C9orf153: variants seen among roughly 807,000 people sequenced by gnomAD.
The protein encoded by C9orf153 is chromosome 9 open reading frame 153, also known as uncharacterized protein C9orf153.
Under a neutral mutation model 9.0 loss-of-function variants are expected in C9orf153, and 10 were observed. That is an observed-to-expected ratio of 1.11 (90% CI 0.69 to 1.89). The LOEUF is 1.89. Ranked by LOEUF, C9orf153 falls within the 40% of genes most tolerant of loss-of-function variation. C9orf153 has a pLI of 0.00. For missense variants in C9orf153, 108 were observed against 111.0 expected (o/e 0.97, Z 0.12); for synonymous variants, 35 against 37.3 (o/e 0.94, Z 0.23).
chr9:86,231,882 T>A (rs923367249), intron 1 of C9orf153, among the ~76,000 whole-genome samples: 1 of 152,202 alleles, frequency 6.6e-6, no homozygotes, highest in Non-Finnish European at 1.5e-5. Context: ...TTCCAGTCAA[T>A]CATTGCTATT....
chr9:86,229,526 T>A lies in C9orf153; in HGVS notation c.66+12A>T, dbSNP rs770150263. The stretch of plus-strand genomic sequence containing the variant: ...CCTGTGTACACCTCGTTGTACAATG[T>A]TAAGTACATACTGAACATTGAGGAA... On this transcript the variant is annotated intron_variant, in intron 2 of 3. Coordinates refer to ENST00000339137, the MANE Select transcript of C9orf153 (RefSeq NM_001276366.4). 2.5e-6 allele frequency: 4 copies of A among 1,585,106 alleles called. No homozygotes were observed. The Admixed American group carries it at 6.7e-5, about 26-fold the overall frequency.
At chr9:86,242,039 G>A (rs2131194051) in intron 1 of C9orf153, among the ~76,000 whole-genome samples, 1 of 152,318 alleles carries the variant, frequency 6.6e-6, no homozygotes, top group South Asian at 2.1e-4. Flanking sequence ...AGAGAGATCA[G>A]GGTAAAAGGG....
At chr9:86,240,714 T>C (rs897520910) in intron 1 of C9orf153, among the ~76,000 whole-genome samples, 33 of 142,264 alleles carry the variant, frequency 2.3e-4, no homozygotes, top group Non-Finnish European at 4.6e-4. Context: ...TTTCTTTTTT[T>C]TTTTTTTTTT....
intron 1 of C9orf153, among the ~76,000 whole-genome samples, chr9:86,246,176 C>T (rs540046601): frequency 6.6e-6 from 1 of 152,276 alleles, no homozygotes; most frequent in East Asian, 1.9e-4. Flanking sequence ...AGCAGTTGAT[C>T]GTCTCAGCTG....
chr9:86,244,693 G>A (rs1017977475), intron 1 of C9orf153, among the ~76,000 whole-genome samples: 1 of 152,140 alleles, frequency 6.6e-6, no homozygotes, highest in African/African-American at 2.4e-5. Context: ...AAACCCAGAC[G>A]AAGAATATCG....
chr9:86,221,555 G>T lies in C9orf153; in HGVS notation c.*133C>A. The T allele has an allele frequency of 7.4e-7, 1 of 1,350,142 alleles. No individual in the cohort carries two copies. The highest frequency in any genetic ancestry group is 2.1e-5 in the South Asian group (1 of 47,400). 83.6% of individuals were successfully genotyped at this position (1,350,142 alleles called of 1,614,324 possible). ...TTTGATAATCAATTTGAGGATAAAT[G>T]ACCAAAGACTTGCGAACTATAGGGG... On this transcript the variant is annotated 3_prime_UTR_variant, in exon 4 of 4. Transcript: ENST00000339137.
At position 86,228,168 on chromosome 9, in the gene C9orf153, T is replaced by G. The variant is rs913582743; in HGVS notation, c.67-138A>C. 6.1e-6 allele frequency: 4 copies of G among 658,856 alleles called. No individual in the cohort carries two copies. In the Admixed American group the frequency reaches 1.3e-4, roughly 21 times the overall value. The allele number at this position is 658,856 out of a possible 1,614,324, so 40.8% of individuals were successfully genotyped here. Reference sequence around the variant, plus strand: ...AGCATTTTTATCTTTGGAAGATATCTTTGCCTAACTAAAGCAAGTCAATTG... The same window carrying G: ...AGCATTTTTATCTTTGGAAGATATCGTTGCCTAACTAAAGCAAGTCAATTG... On this transcript the variant is annotated intron_variant, in intron 2 of 3. Transcript: ENST00000339137.
intron 3 of C9orf153, 30 bp downstream of exon 3, chr9:86,227,825 G>T: frequency 1.9e-6 from 3 of 1,588,610 alleles, no homozygotes; most frequent in Non-Finnish European, 2.6e-6. Context: ...AATCATGGAT[G>T]CTTGCTTCTC....
intron 1 of C9orf153, among the ~76,000 whole-genome samples, chr9:86,255,830 G>C (rs911028943): frequency 6.6e-5 from 10 of 152,178 alleles, no homozygotes; most frequent in African/African-American, 2.4e-4. Context: ...GGGCAAAAAG[G>C]ACATTTTTCC....
intron 1 of C9orf153, among the ~76,000 whole-genome samples, chr9:86,250,174 C>G (rs1400199472): frequency 6.6e-6 from 1 of 152,182 alleles, no homozygotes; most frequent in Admixed American, 6.5e-5. Flanking sequence ...AGTGTGTTGA[C>G]AGACTTAATG....
At chr9:86,242,284 C>T (rs10125093) in intron 1 of C9orf153, among the ~76,000 whole-genome samples, 82,976 of 151,756 alleles carry the variant, frequency 0.55, 24,881 homozygotes, top group East Asian at 0.88. Flanking sequence ...GAGAGCCCTG[C>T]CTTCTTAGAG....
Position 86,227,478 on chromosome 9 carries a change from C to T in C9orf153, c.242+377G>A, listed in dbSNP as rs1056772316. On this transcript the variant is annotated intron_variant, in intron 3 of 3. Coordinates refer to ENST00000339137, the MANE Select transcript of C9orf153 (RefSeq NM_001276366.4). The stretch of plus-strand genomic sequence containing the variant: ...GTAGGTCAGTATTGGACCATTTCTG[C>T]TCTAGTAAATTTGCAATGAGATTTC... 5.0e-6 allele frequency: 7 copies of T among 1,396,652 alleles called. No individual in the cohort carries two copies. The Admixed American group carries it at 1.6e-4, about 33-fold the overall frequency. The allele number at this position is 1,396,652 out of a possible 1,614,324, so 86.5% of individuals were successfully genotyped here.
intron 1 of C9orf153, among the ~76,000 whole-genome samples, chr9:86,253,173 A>T (rs1488270591): frequency 2.0e-5 from 3 of 152,230 alleles, no homozygotes; most frequent in Non-Finnish European, 4.4e-5. Context: ...AATGGACATA[A>T]TTGAATACAC....
chr9:86,252,081 C>CTGTG (rs1205333714), intron 1 of C9orf153, among the ~76,000 whole-genome samples: 4 of 152,160 alleles, frequency 2.6e-5, no homozygotes, highest in African/African-American at 9.7e-5. Flanking sequence ...GTTGCCCAGG[C>CTGTG]TGTGGTGCAG....
chr9:86,235,658 C>T (rs1324078281), intron 1 of C9orf153, among the ~76,000 whole-genome samples: 1 of 138,428 alleles, frequency 7.2e-6, no homozygotes. Context: ...AGGAGAATCG[C>T]TTGAACCCAG....
chr9:86,244,926 T>C (rs1432856515), intron 1 of C9orf153, among the ~76,000 whole-genome samples: 1 of 152,218 alleles, frequency 6.6e-6, no homozygotes, highest in Non-Finnish European at 1.5e-5. Flanking sequence ...TCCTGCAAAC[T>C]TACACCTCTC....
chr9:86,224,207 T>C (rs1824267836), intron 3 of C9orf153, among the ~76,000 whole-genome samples: 1 of 151,796 alleles, frequency 6.6e-6, no homozygotes, highest in African/African-American at 2.4e-5. Context: ...GGCAATATGA[T>C]GAAACCCCAT....
chr9:86,230,011 A>G (rs1014907676), intron 1 of C9orf153, among the ~76,000 whole-genome samples: 1 of 152,148 alleles, frequency 6.6e-6, no homozygotes, highest in Non-Finnish European at 1.5e-5. Context: ...AGAACTCACA[A>G]TCATGAGAAC....
intron 1 of C9orf153, among the ~76,000 whole-genome samples, chr9:86,232,673 T>C (rs1824497813): frequency 6.6e-6 from 1 of 151,098 alleles, no homozygotes; most frequent in Non-Finnish European, 1.5e-5. Context: ...GCTCATCTAA[T>C]GTTAATTTTT....
Sources: allele counts gnomAD v4.1 joint callset (sites outside exome capture counted in the v4.1 genomes callset), GRCh38; gene constraint gnomAD v4.1.1; transcripts MANE v1.5; gene names NCBI Gene and HGNC (gene_info 2026-07-23, HGNC 2026-07-21).